DSCAM: variants seen among roughly 807,000 people sequenced by gnomAD.
DSCAM encodes DS cell adhesion molecule, also known as cell adhesion molecule DSCAM.
A neutral mutation model predicts 217.7 loss-of-function variants in DSCAM; 47 were observed. The observed-to-expected ratio is 0.22, with a 90% CI of 0.17 to 0.28. DSCAM has a LOEUF of 0.28. Among genes scored for constraint, DSCAM ranks in the 10% least tolerant of loss-of-function variants. DSCAM has a pLI of 1.00. For missense variants in DSCAM, 2,080 were observed against 2,618.3 expected (o/e 0.79, Z 4.49); for synonymous variants, 1,056 against 1,015.3 (o/e 1.04, Z -0.76).
chr21:40,148,456 A>G (rs966104270), intron 16 of DSCAM, among the ~76,000 whole-genome samples: 11 of 152,192 alleles, frequency 7.2e-5, no homozygotes, highest in South Asian at 2.1e-4. Context: ...CTCTGTAAAC[A>G]TATGAAATAC....
intron 3 of DSCAM, among the ~76,000 whole-genome samples, chr21:40,642,751 TTTTTA>T (rs551639426): frequency 1.1e-3 from 161 of 152,228 alleles, no homozygotes; most frequent in African/African-American, 3.8e-3. Flanking sequence ...GCCCAGCTAA[TTTTTA>T]TTTTATTTTT....
Position 40,222,251 on chromosome 21 carries a change from G to T in DSCAM, c.2357-33013C>A, listed in dbSNP as rs116273882. On this transcript the variant is annotated intron_variant, in intron 11 of 32. Transcript: ENST00000400454. ...TATAAATGTGATTTTCAAAAGTATT[G>T]TATAATGGAGTGCATCAACATTTGG... is the stretch of plus-strand genomic sequence containing the variant. 2.1e-3 allele frequency among the ~76,000 whole-genome samples: 315 copies of T among 152,274 alleles called. 1 individual carries two copies. The highest frequency in any genetic ancestry group is 7.2e-3 in the African/African-American group (299 of 41,546).
chr21:40,780,097 T>A (rs1450797388), intron 1 of DSCAM, among the ~76,000 whole-genome samples: 1 of 152,162 alleles, frequency 6.6e-6, no homozygotes, highest in Non-Finnish European at 1.5e-5. Flanking sequence ...CAGATGTAGA[T>A]GTCATCGTCT....
At chr21:40,582,615 T>C (rs2076914290) in intron 3 of DSCAM, among the ~76,000 whole-genome samples, 1 of 152,186 alleles carries the variant, frequency 6.6e-6, no homozygotes, top group African/African-American at 2.4e-5. Context: ...ACACACATAA[T>C]ACATATTCCA....
rs1296275741 is a variant in DSCAM, at chr21:40,804,822, C to T, written c.43+41797G>A. Among the ~76,000 whole-genome samples, 2 of 152,148 alleles carry T rather than the reference C, an allele frequency of 1.3e-5. 1 individual carries two copies. Among genetic ancestry groups the T allele is most frequent in the Non-Finnish European group, 2.9e-5 (2 of 68,044 alleles). On this transcript the variant is annotated intron_variant, in intron 1 of 32. Coordinates refer to ENST00000400454, the MANE Select transcript of DSCAM (RefSeq NM_001389.5). ...TTCCCATCTATAAGTCAACATTCCC[C>T]TCCATCTAGGACTATCTACTGAGCT...
chr21:40,578,594 CGTGGGACCCCTT>C (rs2076875597), intron 3 of DSCAM, among the ~76,000 whole-genome samples: 1 of 152,182 alleles, frequency 6.6e-6, no homozygotes, highest in African/African-American at 2.4e-5. Flanking sequence ...CAGCACCCAG[CGTGGGACCCCTT>C]TTGCACTGTG....
intron 11 of DSCAM, among the ~76,000 whole-genome samples, chr21:40,242,554 G>T (rs1008707455): frequency 6.6e-6 from 1 of 152,214 alleles, no homozygotes; most frequent in African/African-American, 2.4e-5. Flanking sequence ...TGAGCTTCCA[G>T]CAAATAAGCT....
At chr21:40,348,389 T>C (rs570897274) in intron 5 of DSCAM, among the ~76,000 whole-genome samples, 2 of 151,538 alleles carry the variant, frequency 1.3e-5, no homozygotes, top group African/African-American at 2.4e-5. Flanking sequence ...TTAGCCACAT[T>C]ATTGCAATCA....
chr21:40,216,011 C>T (rs973514091), intron 11 of DSCAM, among the ~76,000 whole-genome samples: 4 of 151,486 alleles, frequency 2.6e-5, no homozygotes, highest in African/African-American at 9.7e-5. Context: ...TATAAACATG[C>T]ATTTCACGCC....
chr21:40,402,353 G>A (rs1458909585), intron 3 of DSCAM, among the ~76,000 whole-genome samples: 1 of 151,624 alleles, frequency 6.6e-6, no homozygotes, highest in Non-Finnish European at 1.5e-5. Context: ...ACAGGCTCGA[G>A]CCACCACGCC....
chr21:40,788,369 C>G (rs901733939), intron 1 of DSCAM, among the ~76,000 whole-genome samples: 1 of 152,096 alleles, frequency 6.6e-6, no homozygotes, highest in Non-Finnish European at 1.5e-5. Context: ...TTTGGTTCCC[C>G]TTTGTGTTAA....
intron 26 of DSCAM, 35 bp downstream of exon 26, chr21:40,078,652 C>CACA: frequency 6.3e-7 from 1 of 1,596,536 alleles, no homozygotes; most frequent in South Asian, 1.1e-5. Context: ...TCCCCCAAGA[C>CACA]ACAAGCAGGA....
chr21:40,459,979 G>C (rs2075793461), intron 3 of DSCAM, among the ~76,000 whole-genome samples: 1 of 152,130 alleles, frequency 6.6e-6, no homozygotes, highest in Non-Finnish European at 1.5e-5. Flanking sequence ...CCTTTGCTGG[G>C]ACACAGATGG....
At chr21:40,829,515 T>C (rs2091996163) in intron 1 of DSCAM, among the ~76,000 whole-genome samples, 1 of 152,158 alleles carries the variant, frequency 6.6e-6, no homozygotes. Flanking sequence ...GCTGGGGCTG[T>C]ATAATCAGGT....
chr21:40,511,711 G>C (rs1046342361), intron 3 of DSCAM, among the ~76,000 whole-genome samples: 1 of 151,942 alleles, frequency 6.6e-6, no homozygotes, highest in Non-Finnish European at 1.5e-5. Context: ...AGTATTCTCG[G>C]CCGGGCGCGG....
chr21:40,033,275 C>T (rs1453008639), intron 32 of DSCAM, among the ~76,000 whole-genome samples: 1 of 152,188 alleles, frequency 6.6e-6, no homozygotes. Context: ...GGGTTCATCT[C>T]ACTAGGGAGT....
At chr21:40,033,585 G>A (rs1320329153) in intron 32 of DSCAM, among the ~76,000 whole-genome samples, 1 of 151,614 alleles carries the variant, frequency 6.6e-6, no homozygotes, top group Non-Finnish European at 1.5e-5. Context: ...CAAGGCGGCA[G>A]TGAGGCTGGG....
chr21:40,014,300 G>C (rs768802071), intron 32 of DSCAM, among the ~76,000 whole-genome samples: 4 of 152,220 alleles, frequency 2.6e-5, no homozygotes, highest in Non-Finnish European at 4.4e-5. Flanking sequence ...TGAGGCAGGA[G>C]AATCGCTTGA....
intron 3 of DSCAM, among the ~76,000 whole-genome samples, chr21:40,398,209 T>C (rs188738704): frequency 7.2e-5 from 11 of 152,290 alleles, no homozygotes; most frequent in East Asian, 3.9e-4. Context: ...GTCACTTTGA[T>C]TCAGACATTT....
Sources: allele counts gnomAD v4.1 joint callset (sites outside exome capture counted in the v4.1 genomes callset), GRCh38; gene constraint gnomAD v4.1.1; transcripts MANE v1.5; gene names NCBI Gene and HGNC (gene_info 2026-07-23, HGNC 2026-07-21).